The following PIEZO1 variants were observed in gnomAD, a reference collection of about 807,000 sequenced individuals.
PIEZO1 encodes the protein piezo-type mechanosensitive ion channel component 1.
Under a neutral mutation model 297.2 loss-of-function variants are expected in PIEZO1, and 296 were observed. That is an observed-to-expected ratio of 1.00 (90% CI 0.91 to 1.10). The LOEUF (loss-of-function observed/expected upper bound fraction) is 1.10. PIEZO1 is among the 50% of genes least tolerant of loss of function. The probability of loss-of-function intolerance (pLI) is 0.00; values close to 1 mark genes in which losing one functional copy is unlikely to be tolerated. For missense variants in PIEZO1, 5,018 were observed against 3,455.5 expected, an observed-to-expected ratio of 1.45 and a Z score of -11.34; for synonymous variants, 2,427 against 1,507.5, an observed-to-expected ratio of 1.61 and a Z score of -14.13.
At chr16:88,744,532 G>A (rs1483071469) in intron 2 of PIEZO1, among the ~76,000 whole-genome samples, 2 of 151,438 alleles carry the variant, frequency 1.3e-5, no homozygotes, top group African/African-American at 4.9e-5. Context: ...AGACCCCTGG[G>A]CAGGGAGGGG....
At chr16:88,722,773 T>G (rs1250340543) in intron 34 of PIEZO1, 64 bp downstream of exon 34, 1 of 1,529,268 alleles carries the variant, frequency 6.5e-7, no homozygotes, top group African/African-American at 1.4e-5. Flanking sequence ...GGGACTAGGC[T>G]GTTAAGCAGG....
rs192298096 is a variant in PIEZO1 at position 88,755,177 on chromosome 16, G to A, written c.65-5698C>T. Among the ~76,000 whole-genome samples the A allele has an allele frequency of 5.3e-4, 80 of 152,368 alleles. 1 individual carries two copies. The highest frequency in any genetic ancestry group is 1.1e-3 in the Non-Finnish European group (73 of 68,030). On this transcript the variant is annotated intron_variant, in intron 1 of 50. Transcript: ENST00000301015. ...CCTCCACATTGCAGACGAGGAGATG[G>A]AGCAAGCCTGGGATGCGGCGAACAG...
chr16:88,721,999 GCCGCAGCGC>G lies in PIEZO1; in HGVS notation c.5014_5022del (p.Ala1672_Arg1674del). 6.5e-7 allele frequency: 1 copy of G among 1,549,344 alleles called. No individual in the cohort carries two copies. Among genetic ancestry groups the G allele is most frequent in the Non-Finnish European group, 8.7e-7 (1 of 1,146,738 alleles). ...ACACACTGGTACACGGCCCGCAGCA[GCCGCAGCGC>G]CCGGCCCTGCCCCTCCGCAAACAGC... On this transcript the variant is annotated inframe_deletion, in exon 37 of 51. Coordinates refer to ENST00000301015, the MANE Select transcript of PIEZO1 (RefSeq NM_001142864.4).
intron 38 of PIEZO1, 23 bp from the exon 39 acceptor site, chr16:88,721,453 G>C: frequency 2.6e-6 from 4 of 1,541,278 alleles, no homozygotes; most frequent in Non-Finnish European, 2.6e-6. Flanking sequence ...AGGGTGTGGT[G>C]AGGGGGCCTT....
intron 1 of PIEZO1, among the ~76,000 whole-genome samples, chr16:88,781,620 C>T (rs562661272): frequency 1.3e-5 from 2 of 152,376 alleles, no homozygotes; most frequent in Admixed American, 6.5e-5. Context: ...TACTCTGCCA[C>T]GGCCATGCTC....
At chr16:88,756,478 G>T (rs999897780) in intron 1 of PIEZO1, among the ~76,000 whole-genome samples, 2 of 152,262 alleles carry the variant, frequency 1.3e-5, no homozygotes, top group Non-Finnish European at 2.9e-5. Flanking sequence ...CTGGGGCCGG[G>T]CACCGTGGCT....
chr16:88,782,835 G>A (rs1907995507), intron 1 of PIEZO1, among the ~76,000 whole-genome samples: 1 of 106,038 alleles, frequency 9.4e-6, no homozygotes, highest in Non-Finnish European at 2.1e-5. Context: ...TGACTCAGGA[G>A]TCCCGGCCAG....
At chr16:88,752,564 G>A (rs1013698258) in intron 1 of PIEZO1, among the ~76,000 whole-genome samples, 2 of 152,226 alleles carry the variant, frequency 1.3e-5, no homozygotes, top group African/African-American at 2.4e-5. Context: ...TCAGAAGCCC[G>A]AGCCTGAGGC....
Position 88,715,451 on chromosome 16 carries a change from ACAG to A in PIEZO1, c.*151_*153del. 1.0e-6 allele frequency: 1 copy of A among 959,534 alleles called. No individual in the cohort carries two copies. The highest frequency in any genetic ancestry group is 1.5e-6 in the Non-Finnish European group (1 of 652,410). 59.4% of individuals were successfully genotyped at this position (959,534 alleles called of 1,614,324 possible). A position where few individuals can be genotyped will look rare whatever the true frequency, so the allele number is the denominator to read the frequency against. On this transcript the variant is annotated 3_prime_UTR_variant, in exon 51 of 51. Transcript: ENST00000301015. The stretch of plus-strand genomic sequence containing the variant: ...CGTGGGGACGCAGTGTCCTTCTCTG[ACAG>A]CAGCATCAGGGCTCAGGCAGGCCGG...
chr16:88,725,088 G>C lies in PIEZO1; in HGVS notation c.4163-8C>G. Reference sequence around the variant, plus strand: ...CCCCTGGACTGTCGGGCCCTGTGGAGGGGCAGGGTGAGCATGAGGCAGCAG... The same window carrying C: ...CCCCTGGACTGTCGGGCCCTGTGGACGGGCAGGGTGAGCATGAGGCAGCAG... On this transcript the variant is annotated splice_region_variant and splice_polypyrimidine_tract_variant and intron_variant, in intron 29 of 50. Coordinates refer to ENST00000301015, the MANE Select transcript of PIEZO1 (RefSeq NM_001142864.4). 6.6e-7 allele frequency: 1 copy of C among 1,506,930 alleles called. No homozygotes were observed. The highest frequency in any genetic ancestry group is 8.8e-7 in the Non-Finnish European group (1 of 1,130,546). 93.3% of individuals were successfully genotyped at this position (1,506,930 alleles called of 1,614,324 possible).
chr16:88,746,997 G>A (rs1597469643), intron 2 of PIEZO1, among the ~76,000 whole-genome samples: 2 of 152,112 alleles, frequency 1.3e-5, no homozygotes, highest in East Asian at 1.9e-4. Flanking sequence ...GGGCCCCAGC[G>A]ACTCCCAGCA....
chr16:88,726,265 T>C lies in PIEZO1; in HGVS notation c.3968+19A>G, dbSNP rs969011892. On this transcript the variant is annotated intron_variant, in intron 27 of 50. Transcript: ENST00000301015. ...GCCCCAAGACGGGAGCTCTGGGCTG[T>C]GTCTGGGCCCAAGCTTGCCTGGAGG... is the stretch of plus-strand genomic sequence containing the variant. The C allele has an allele frequency of 1.3e-5, 20 of 1,539,410 alleles. No homozygotes were observed. The highest frequency in any genetic ancestry group is 1.8e-5 in the Non-Finnish European group (20 of 1,141,064).
At chr16:88,743,030 G>T (rs1013553309) in intron 2 of PIEZO1, 2 of 456,250 alleles carry the variant, frequency 4.4e-6, no homozygotes, top group South Asian at 3.1e-5. Context: ...CTGTGCACCA[G>T]GTCAGGCCCC....
intron 3 of PIEZO1, 24 bp downstream of exon 3, chr16:88,742,276 T>C (rs1905730406): frequency 2.6e-6 from 4 of 1,525,766 alleles, no homozygotes; most frequent in East Asian, 2.5e-5. Context: ...TGGCTATCCC[T>C]ACCCCGCCCC....
Position 88,716,255 on chromosome 16 carries a change from TG to T in PIEZO1, c.7071del (p.Lys2358SerfsTer14). The T allele has an allele frequency of 6.7e-7, 1 of 1,493,658 alleles. No individual in the cohort carries two copies. Among genetic ancestry groups the T allele is most frequent in the South Asian group, 1.3e-5 (1 of 74,736 alleles). The allele number at this position is 1,493,658 out of a possible 1,614,324, so 92.5% of individuals were successfully genotyped here. ...GGCCCGTTGGGGGCACGGATGTACT[TG>T]GGGAAGAGATTAGGGATGACCCTGC... is the stretch of plus-strand genomic sequence containing the variant. The part of the protein sequence containing the change: ...DQSVVIPNLF[P>X]KYIRAPNGPE... On this transcript the variant is annotated frameshift_variant, in exon 49 of 51. Coordinates refer to ENST00000301015, the MANE Select transcript of PIEZO1 (RefSeq NM_001142864.4). LOFTEE classifies it high-confidence loss of function.
In PIEZO1 at chr16:88,735,041, G is replaced by A. The variant is rs759869189; in HGVS notation, c.1682C>T (p.Thr561Met). ...VTVADTEPTR[T>M]QTLLQSLGEL... is the part of the protein sequence containing the mutation. ...CCCCAGGCTCTGCAACAGCGTCTGC[G>A]TCCGCGTGGGCTCTGTGGGCCAAGC... The change falls in exon 14 of 51, where the codon ACG (threonine) becomes ATG (methionine). Residue 561 changes from threonine to methionine, a missense_variant. Physicochemically the swap from Thr to Met is moderately conservative, Grantham distance 81. Coordinates refer to ENST00000301015, the MANE Select transcript of PIEZO1 (RefSeq NM_001142864.4). The A allele has an allele frequency of 2.7e-5, 42 of 1,550,398 alleles. No individual in the cohort carries two copies. In the East Asian group the frequency reaches 2.9e-4, roughly 11 times the overall value.
chr16:88,755,532 G>C (rs1297443632), intron 1 of PIEZO1, among the ~76,000 whole-genome samples: 1 of 152,248 alleles, frequency 6.6e-6, no homozygotes, highest in African/African-American at 2.4e-5. Context: ...TGGGTTCAGA[G>C]CTCTACCTGC....
rs1190420258 is a variant in PIEZO1, at chr16:88,722,076, G to C, written c.4956-10C>G. 2.6e-6 allele frequency: 4 copies of C among 1,541,572 alleles called. No homozygotes were observed. The highest frequency in any genetic ancestry group is 2.5e-5 in the East Asian group (1 of 40,748). On this transcript the variant is annotated splice_polypyrimidine_tract_variant and intron_variant, in intron 36 of 50. Transcript: ENST00000301015. ...TGGGATGCGCAGGCGCCTACAGGGA[G>C]ACCCGCGTGTTTGGGGGAGTCTGGG...
chr16:88,779,824 C>A (rs917309605), intron 1 of PIEZO1, among the ~76,000 whole-genome samples: 1 of 152,228 alleles, frequency 6.6e-6, no homozygotes, highest in African/African-American at 2.4e-5. Flanking sequence ...CCCCGGCCAC[C>A]GCGGCACTCA....
Sources: allele counts gnomAD v4.1 joint callset (sites outside exome capture counted in the v4.1 genomes callset), GRCh38; gene constraint gnomAD v4.1.1; transcripts MANE v1.5; gene names NCBI Gene and HGNC (gene_info 2026-07-23, HGNC 2026-07-21).